The following DOCK1 variants were observed in gnomAD, a reference collection of about 807,000 sequenced individuals.
DOCK1 encodes the protein dedicator of cytokinesis protein 1.
A neutral mutation model predicts 262.7 loss-of-function variants in DOCK1; 138 were observed. That is an observed-to-expected ratio of 0.53 (90% CI 0.46 to 0.61). The LOEUF is 0.61. DOCK1 is among the 20% of genes least tolerant of loss of function. The pLI is 0.00. For synonymous variants in DOCK1, 866 were observed against 867.4 expected, an observed-to-expected ratio of 1.00 and a Z score of 0.03; for missense variants, 1,908 against 2,370.7, an observed-to-expected ratio of 0.80 and a Z score of 4.05.
chr10:127,255,107 C>T (rs913175249), intron 28 of DOCK1, among the ~76,000 whole-genome samples: 5 of 152,130 alleles, frequency 3.3e-5, no homozygotes, highest in African/African-American at 1.2e-4. Flanking sequence ...AATAGTCAAA[C>T]TAAAACATGC....
intron 23 of DOCK1, among the ~76,000 whole-genome samples, chr10:127,063,573 A>C (rs7911628): frequency 0.039 from 5,976 of 152,216 alleles, 340 homozygotes; most frequent in East Asian, 0.13. Flanking sequence ...GCAACTTGAT[A>C]TTGCCCAAAG....
At chr10:127,225,447 C>A (rs866941983) in intron 27 of DOCK1, among the ~76,000 whole-genome samples, 6 of 152,144 alleles carry the variant, frequency 3.9e-5, no homozygotes, top group Admixed American at 2.0e-4. Context: ...CTTTGAGATC[C>A]CAGGCAAATG....
intron 31 of DOCK1, among the ~76,000 whole-genome samples, chr10:127,353,383 C>T (rs547121852): frequency 2.6e-4 from 40 of 152,286 alleles, no homozygotes; most frequent in Non-Finnish European, 5.0e-4. Flanking sequence ...GTGTTCAGGT[C>T]GTGTGTTTCC....
At chr10:127,047,925 A>C (rs1011231135) in intron 21 of DOCK1, among the ~76,000 whole-genome samples, 1 of 152,220 alleles carries the variant, frequency 6.6e-6, no homozygotes, top group African/African-American at 2.4e-5. Context: ...GTTGATGGAT[A>C]CATGAAGTGT....
chr10:127,145,315 A>T (rs1327759637), intron 27 of DOCK1, among the ~76,000 whole-genome samples: 1 of 152,154 alleles, frequency 6.6e-6, no homozygotes, highest in Non-Finnish European at 1.5e-5. Flanking sequence ...AAGACACCCC[A>T]TGACTAACAG....
chr10:127,354,545 G>C (rs2064042707), intron 31 of DOCK1, 124 bp from the exon 32 acceptor site: 1 of 1,084,640 alleles, frequency 9.2e-7, no homozygotes, highest in African/African-American at 1.6e-5. Flanking sequence ...AGAAGTTGAA[G>C]CTTTGACACT....
Position 127,100,750 on chromosome 10 carries a change from A to C in DOCK1, c.2446-5481A>C, listed in dbSNP as rs547156972. On this transcript the variant is annotated intron_variant, in intron 23 of 51. Transcript: ENST00000623213. The surrounding 1 kb of genome is among the most constrained non-coding windows in gnomAD (Gnocchi z 5.5). ...CGCGTGCCCCAGAGGTGAGGTGGCC[A>C]AAGTGTCATCAGAAAGGCCACTTGA... 1.4e-3 allele frequency among the ~76,000 whole-genome samples: 207 copies of C among 152,148 alleles called. 1 individual carries two copies. Among genetic ancestry groups the C allele is most frequent in the African/African-American group, 4.8e-3 (198 of 41,528 alleles).
intron 1 of DOCK1, among the ~76,000 whole-genome samples, chr10:126,942,589 A>ACGAGCCAGCCCCGAGGGAGC (rs1188773641): frequency 1.4e-4 from 21 of 152,108 alleles, no homozygotes; most frequent in East Asian, 9.7e-4. Flanking sequence ...CCTTAATGGA[A>ACGAGCCAGCCCCGAGGGAGC]CGAGCCAGCC....
At chr10:127,016,398 G>A (rs2041879025) in intron 12 of DOCK1, 1 of 152,312 alleles carries the variant, frequency 6.6e-6, no homozygotes, top group African/African-American at 2.4e-5. Context: ...GCGGATATAG[G>A]AATGGGCAGC....
intron 29 of DOCK1, among the ~76,000 whole-genome samples, chr10:127,310,995 A>G (rs961721509): frequency 2.0e-5 from 3 of 152,180 alleles, no homozygotes; most frequent in African/African-American, 7.2e-5. Flanking sequence ...ACACTTTTTC[A>G]GTGTGTTTTA....
intron 30 of DOCK1, 87 bp from the exon 31 acceptor site, chr10:127,343,559 G>A (rs2135758878): frequency 1.8e-6 from 2 of 1,088,008 alleles, no homozygotes; most frequent in East Asian, 2.6e-5. Flanking sequence ...AGTGTGTGCT[G>A]AGCAAATGAT....
intron 27 of DOCK1, among the ~76,000 whole-genome samples, chr10:127,231,906 G>C (rs2058856377): frequency 6.6e-6 from 1 of 152,164 alleles, no homozygotes; most frequent in African/African-American, 2.4e-5. Context: ...GACAGTTCGT[G>C]TGTCACCTAG....
chr10:127,406,309 A>G (rs1366041908), intron 40 of DOCK1, among the ~76,000 whole-genome samples: 1 of 152,188 alleles, frequency 6.6e-6, no homozygotes, highest in African/African-American at 2.4e-5. Flanking sequence ...TCCCGAGCCA[A>G]TAGATGCCAG....
chr10:126,960,853 T>C (rs1396486505), intron 1 of DOCK1, among the ~76,000 whole-genome samples: 2 of 149,894 alleles, frequency 1.3e-5, no homozygotes, highest in Non-Finnish European at 3.0e-5. Flanking sequence ...GATATATACA[T>C]GTAGATATGA....
chr10:126,928,024 T>C (rs1435799894), intron 1 of DOCK1, among the ~76,000 whole-genome samples: 4 of 152,192 alleles, frequency 2.6e-5, no homozygotes, highest in Non-Finnish European at 5.9e-5. Flanking sequence ...TTCTGGACTC[T>C]GACAGACATA....
chr10:127,166,093 T>C (rs1420175022), intron 27 of DOCK1, among the ~76,000 whole-genome samples: 3 of 151,618 alleles, frequency 2.0e-5, no homozygotes, highest in Non-Finnish European at 4.4e-5. Context: ...TGAGACAGAG[T>C]CTCGCTCTGT....
chr10:127,342,866 T>C (rs1254940112), intron 30 of DOCK1, among the ~76,000 whole-genome samples: 4 of 152,210 alleles, frequency 2.6e-5, no homozygotes, highest in Non-Finnish European at 5.9e-5. Context: ...CCTTGTCTAG[T>C]GTATGTGTGA....
At chr10:127,367,563 A>G (rs760868123) in intron 33 of DOCK1, among the ~76,000 whole-genome samples, 12 of 152,116 alleles carry the variant, frequency 7.9e-5, no homozygotes, top group Non-Finnish European at 1.8e-4. Context: ...CCCTGATGCT[A>G]GTGGAAGCCT....
At chr10:127,428,444 G>A (rs115347025) in intron 47 of DOCK1, among the ~76,000 whole-genome samples, 1,794 of 148,682 alleles carry the variant, frequency 0.012, 28 homozygotes, top group African/African-American at 0.038. Flanking sequence ...GTGTGAATTG[G>A]AGTGCCTTGT....
Sources: allele counts gnomAD v4.1 joint callset (sites outside exome capture counted in the v4.1 genomes callset), GRCh38; gene constraint gnomAD v4.1.1; non-coding constraint Gnocchi (gnomAD v3.1); transcripts MANE v1.5; gene names NCBI Gene and HGNC (gene_info 2026-07-23, HGNC 2026-07-21).